FRK: variants seen among roughly 807,000 people sequenced by gnomAD.
The protein encoded by FRK is fyn related Src family tyrosine kinase, also known as tyrosine-protein kinase FRK.
Under a neutral mutation model 56.4 loss-of-function variants are expected in FRK, and 51 were observed. That is an observed-to-expected ratio of 0.90 (90% CI 0.72 to 1.14). The LOEUF is 1.14. Among genes scored for constraint, FRK ranks in the 50% most tolerant of loss-of-function variants. The probability of loss-of-function intolerance (pLI) is 0.00; values close to 1 mark genes in which losing one functional copy is unlikely to be tolerated. For missense variants in FRK, 570 were observed against 601.4 expected (o/e 0.95, Z 0.55); for synonymous variants, 245 against 217.9 (o/e 1.12, Z -1.10).
chr6:115,948,727 T>C (rs1482625060), intron 5 of FRK, among the ~76,000 whole-genome samples: 1 of 152,230 alleles, frequency 6.6e-6, no homozygotes, highest in Non-Finnish European at 1.5e-5. Flanking sequence ...ACGTAGGTAA[T>C]TCATATGTAT....
upstream of FRK, among the ~76,000 whole-genome samples, chr6:116,063,991 T>C (rs1777707314): frequency 6.6e-6 from 1 of 152,326 alleles, no homozygotes; most frequent in South Asian, 2.1e-4. Flanking sequence ...TTGCTGACTC[T>C]AAAAATATCT....
chr6:116,026,556 AAG>A (rs1372567325), intron 1 of FRK, among the ~76,000 whole-genome samples: 25 of 149,888 alleles, frequency 1.7e-4, no homozygotes, highest in African/African-American at 6.1e-4. Flanking sequence ...GGAAGGAAGG[AAG>A]GAAGGAAGGA....
chr6:116,014,472 A>T (rs1186842633), intron 1 of FRK, among the ~76,000 whole-genome samples: 1 of 152,132 alleles, frequency 6.6e-6, no homozygotes, highest in Non-Finnish European at 1.5e-5. Context: ...AAATCTAAAA[A>T]AATGAAAGAC....
Position 115,942,213 on chromosome 6 carries a change from A to G in FRK, c.*201T>C, listed in dbSNP as rs541352474. ...TTTTACCAGGCAGTGAGGAAATTAT[A>G]TATCACCTTGACTGTCCTGCAGTGT... is the stretch of plus-strand genomic sequence containing the variant. On this transcript the variant is annotated 3_prime_UTR_variant, in exon 8 of 8. Transcript: ENST00000606080. 1.9e-5 allele frequency: 9 copies of G among 486,038 alleles called. No individual in the cohort carries two copies. In the Admixed American group the frequency reaches 3.3e-4, roughly 18 times the overall value. 30.1% of individuals were successfully genotyped at this position (486,038 alleles called of 1,614,324 possible). A position where few individuals can be genotyped will look rare whatever the true frequency, so the allele number is the denominator to read the frequency against.
intron 1 of FRK, among the ~76,000 whole-genome samples, chr6:116,034,329 T>C (rs1776394778): frequency 6.6e-6 from 1 of 152,140 alleles, no homozygotes; most frequent in Admixed American, 6.6e-5. Flanking sequence ...TCATTATATA[T>C]TGTATGCATG....
intron 2 of FRK, among the ~76,000 whole-genome samples, chr6:115,978,567 A>C (rs1311031715): frequency 1.3e-5 from 2 of 152,130 alleles, no homozygotes; most frequent in Non-Finnish European, 2.9e-5. Context: ...ATATTAATAA[A>C]CTATTAATAA....
At chr6:116,009,037 A>C (rs1428057644) in intron 1 of FRK, among the ~76,000 whole-genome samples, 1 of 152,202 alleles carries the variant, frequency 6.6e-6, no homozygotes, top group East Asian at 1.9e-4. Flanking sequence ...ACTTGGTGGA[A>C]GATTTATGGA....
At chr6:115,972,708 A>T (rs999767167) in intron 2 of FRK, among the ~76,000 whole-genome samples, 1 of 152,198 alleles carries the variant, frequency 6.6e-6, no homozygotes, top group Admixed American at 6.5e-5. Context: ...AATAACCTCA[A>T]TCAAAAACTC....
At chr6:116,044,223 T>C (rs1412247523) in intron 1 of FRK, among the ~76,000 whole-genome samples, 2 of 152,194 alleles carry the variant, frequency 1.3e-5, no homozygotes, top group African/African-American at 4.8e-5. Flanking sequence ...CACTGCTCCC[T>C]AACTCATTTT....
chr6:116,006,407 GC>G (rs1392453273), intron 1 of FRK, among the ~76,000 whole-genome samples: 1 of 152,196 alleles, frequency 6.6e-6, no homozygotes, highest in East Asian at 1.9e-4. Flanking sequence ...TGTGAAATGA[GC>G]TTTTATACAG....
At chr6:116,021,461 G>T (rs1318892958) in intron 1 of FRK, among the ~76,000 whole-genome samples, 1 of 152,074 alleles carries the variant, frequency 6.6e-6, no homozygotes, top group Non-Finnish European at 1.5e-5. Context: ...AGTAAAAAGA[G>T]TGATACAGTA....
intron 5 of FRK, among the ~76,000 whole-genome samples, chr6:115,951,517 C>T (rs536146587): frequency 1.7e-4 from 26 of 152,250 alleles, no homozygotes; most frequent in Non-Finnish European, 3.1e-4. Context: ...TATTTATCCT[C>T]TTTAAATTGT....
At chr6:116,010,749 GA>G (rs2114711369) in intron 1 of FRK, among the ~76,000 whole-genome samples, 1 of 152,308 alleles carries the variant, frequency 6.6e-6, no homozygotes, top group South Asian at 2.1e-4. Flanking sequence ...AGATTAAGAA[GA>G]ATGCTGCATG....
intron 5 of FRK, among the ~76,000 whole-genome samples, chr6:115,955,637 C>T (rs1190480159): frequency 1.3e-5 from 2 of 152,148 alleles, no homozygotes; most frequent in Non-Finnish European, 2.9e-5. Flanking sequence ...CATAAGTCAT[C>T]CTGAAATCAG....
intron 2 of FRK, among the ~76,000 whole-genome samples, chr6:115,980,070 C>T (rs935128914): frequency 1.3e-5 from 2 of 152,064 alleles, no homozygotes; most frequent in Non-Finnish European, 2.9e-5. Context: ...TCATCATTAA[C>T]ATTCTTAATA....
intron 5 of FRK, among the ~76,000 whole-genome samples, chr6:115,947,097 G>C (rs1404957013): frequency 6.6e-6 from 1 of 152,128 alleles, no homozygotes; most frequent in Non-Finnish European, 1.5e-5. Flanking sequence ...ATTTGGGATA[G>C]TGTGGGGTTG....
At chr6:116,081,954 C>T in the FRK span, among the ~76,000 whole-genome samples, 2 of 152,044 alleles carry the variant, frequency 1.3e-5, no homozygotes, top group Non-Finnish European at 2.9e-5. Flanking sequence ...AAATCAATAA[C>T]ATGCTCTATT....
At chr6:116,067,382 C>CATTT in the FRK span, among the ~76,000 whole-genome samples, 9,404 of 151,730 alleles carry the variant, frequency 0.062, 430 homozygotes, top group Admixed American at 0.14. Context: ...TTTTTATTTT[C>CATTT]ATTTATTTAT....
chr6:116,015,068 C>A (rs1412204413), intron 1 of FRK, among the ~76,000 whole-genome samples: 1 of 152,164 alleles, frequency 6.6e-6, no homozygotes, highest in Admixed American at 6.6e-5. Flanking sequence ...CCACAACCTA[C>A]CACCTTGAAA....
Sources: allele counts gnomAD v4.1 joint callset (sites outside exome capture counted in the v4.1 genomes callset), GRCh38; gene constraint gnomAD v4.1.1; transcripts MANE v1.5; gene names NCBI Gene and HGNC (gene_info 2026-07-23, HGNC 2026-07-21).